Variants in RARB observed in about 807,000 individuals in gnomAD.
RARB encodes retinoic acid receptor beta, also known as HBV-activated protein.
RARB carries 17 observed loss-of-function variants against 51.9 expected under a neutral mutation model. That is an observed-to-expected ratio of 0.33 (90% CI 0.22 to 0.49). The LOEUF (loss-of-function observed/expected upper bound fraction) is 0.49. Among genes scored for constraint, RARB ranks in the 20% least tolerant of loss-of-function variants. The probability of loss-of-function intolerance (pLI) is 0.99; values close to 1 mark genes in which losing one functional copy is unlikely to be tolerated. For missense variants in RARB, 369 were observed against 550.8 expected (o/e 0.67, Z 3.30); for synonymous variants, 215 against 195.4 (o/e 1.10, Z -0.84).
chr3:24,969,802 G>C (rs78836010), intron 2 of RARB, among the ~76,000 whole-genome samples: 608 of 152,186 alleles, frequency 4.0e-3, no homozygotes, highest in African/African-American at 0.014. Flanking sequence ...TTTCCTCAGA[G>C]AGTGGTGTGT....
chr3:25,337,314 G>T (rs1027813193), intron 5 of RARB, among the ~76,000 whole-genome samples: 2 of 152,082 alleles, frequency 1.3e-5, no homozygotes, highest in Non-Finnish European at 2.9e-5. Context: ...GTATAAACAT[G>T]ATTCTCCAAT....
intron 1 of RARB, among the ~76,000 whole-genome samples, chr3:25,436,100 G>T (rs1708425342): frequency 6.6e-6 from 1 of 152,088 alleles, no homozygotes; most frequent in Non-Finnish European, 1.5e-5. Context: ...ATCGTCAGGG[G>T]TTTCATATGC....
chr3:25,208,771 A>C lies in RARB; in HGVS notation c.178+34196A>C, dbSNP rs181551440. 3.5e-4 allele frequency among the ~76,000 whole-genome samples: 54 copies of C among 152,248 alleles called. 2 individuals are homozygous for C. The East Asian group carries it at 0.01, about 29-fold the overall frequency. On this transcript the variant is annotated intron_variant, in intron 5 of 11. Coordinates refer to the RARB transcript ENST00000383772. ...TGAGCCCCTCACATGTTGGCTGCCA[A>C]GTTCCCAGCTGCTGAGCTTGTACCT...
At chr3:25,444,900 A>G (rs1327625585) in intron 1 of RARB, among the ~76,000 whole-genome samples, 1 of 152,124 alleles carries the variant, frequency 6.6e-6, no homozygotes, top group Non-Finnish European at 1.5e-5. Context: ...ATCTTTAGAG[A>G]CCAGTGTTAC....
intron 5 of RARB, among the ~76,000 whole-genome samples, chr3:25,362,799 C>T (rs1245751041): frequency 1.3e-5 from 2 of 152,162 alleles, no homozygotes; most frequent in African/African-American, 2.4e-5. Context: ...TCATGGGCTA[C>T]ACCCACTGTC....
chr3:25,535,345 G>A (rs528254863), intron 3 of RARB, among the ~76,000 whole-genome samples: 4 of 151,844 alleles, frequency 2.6e-5, no homozygotes, highest in South Asian at 4.2e-4. Context: ...TTATATCTTG[G>A]CTCTACCACC....
At chr3:24,918,698 C>T (rs190001855) in intron 2 of RARB, among the ~76,000 whole-genome samples, 2 of 152,218 alleles carry the variant, frequency 1.3e-5, no homozygotes, top group African/African-American at 2.4e-5. Flanking sequence ...TCCTGGCCAA[C>T]AGGCCAACAT....
chr3:25,315,240 A>G (rs1331142407), intron 5 of RARB, among the ~76,000 whole-genome samples: 2 of 152,160 alleles, frequency 1.3e-5, no homozygotes, highest in Non-Finnish European at 2.9e-5. Flanking sequence ...ATCCCACTAG[A>G]CAGAAACTAA....
intron 2 of RARB, among the ~76,000 whole-genome samples, chr3:25,007,934 G>A (rs949450834): frequency 1.8e-4 from 28 of 152,160 alleles, no homozygotes; most frequent in African/African-American, 5.8e-4. Context: ...GAACATGAGC[G>A]TTGATACTAT....
intron 5 of RARB, among the ~76,000 whole-genome samples, chr3:25,305,659 G>C (rs1467733888): frequency 6.6e-6 from 1 of 152,148 alleles, no homozygotes; most frequent in Non-Finnish European, 1.5e-5. Flanking sequence ...TGTCATATCT[G>C]TCACACCTGA....
At chr3:25,162,377 A>G (rs1700487141) in intron 4 of RARB, among the ~76,000 whole-genome samples, 1 of 152,198 alleles carries the variant, frequency 6.6e-6, no homozygotes, top group Admixed American at 6.5e-5. Context: ...TCAAAATGCT[A>G]GGATTATAGG....
chr3:25,400,158 C>G (rs1707226120), intron 5 of RARB, among the ~76,000 whole-genome samples: 1 of 152,124 alleles, frequency 6.6e-6, no homozygotes, highest in Non-Finnish European at 1.5e-5. Context: ...CAACTAACTC[C>G]CAGAGACACA....
intron 2 of RARB, among the ~76,000 whole-genome samples, chr3:24,954,076 C>A (rs1695956544): frequency 6.6e-6 from 1 of 152,060 alleles, no homozygotes; most frequent in East Asian, 1.9e-4. Context: ...ATTCTTTTTC[C>A]CATATGTGTC....
At chr3:25,008,886 A>G (rs551642550) in intron 2 of RARB, among the ~76,000 whole-genome samples, 8 of 152,218 alleles carry the variant, frequency 5.3e-5, no homozygotes, top group Non-Finnish European at 1.2e-4. Context: ...TGCTTCACAC[A>G]CTGATATTTT....
chr3:25,498,248 T>C lies in RARB; in HGVS notation c.307-2934T>C, dbSNP rs78282254. Among the ~76,000 whole-genome samples, 32 of 152,220 alleles carry C rather than the reference T, an allele frequency of 2.1e-4. 1 individual carries two copies. The highest frequency in any genetic ancestry group is 6.5e-4 in the African/African-American group (27 of 41,528). On this transcript the variant is annotated intron_variant, in intron 2 of 7. Transcript: ENST00000330688. ...ATTAGCTAAGTAAACTTTAGGTGTA[T>C]GAGGATAACTGCCCCCACCCCCTAC...
chr3:24,882,023 CAATG>C (rs1342347993), intron 2 of RARB, among the ~76,000 whole-genome samples: 1 of 151,898 alleles, frequency 6.6e-6, no homozygotes, highest in Non-Finnish European at 1.5e-5. Flanking sequence ...ATTGCCATAA[CAATG>C]AAAAATTGAA....
intron 5 of RARB, among the ~76,000 whole-genome samples, chr3:25,355,350 G>A (rs542177281): frequency 6.6e-6 from 1 of 152,020 alleles, no homozygotes; most frequent in Non-Finnish European, 1.5e-5. Flanking sequence ...TAAGGGCAGG[G>A]TTTTCCTTGG....
chr3:25,480,638 C>G (rs1423822929), intron 2 of RARB, among the ~76,000 whole-genome samples: 1 of 152,082 alleles, frequency 6.6e-6, no homozygotes, highest in East Asian at 1.9e-4. Flanking sequence ...AAAAAGATAC[C>G]TGATCATTTT....
intron 2 of RARB, among the ~76,000 whole-genome samples, chr3:24,898,922 C>G (rs1351724649): frequency 6.6e-6 from 1 of 152,154 alleles, no homozygotes; most frequent in African/African-American, 2.4e-5. Context: ...GGGCTCTTCT[C>G]CATAAACTTC....
Sources: gnomAD v4.1 joint callset for allele counts (sites outside exome capture counted in the v4.1 genomes callset) on GRCh38, gnomAD v4.1.1 for gene constraint, MANE v1.5 for transcripts, NCBI Gene and HGNC (gene_info 2026-07-23, HGNC 2026-07-21) for gene names.